KIF13B: variants seen among roughly 807,000 people sequenced by gnomAD.
KIF13B encodes kinesin family member 13B.
A neutral mutation model predicts 222.0 loss-of-function variants in KIF13B; 127 were observed. That is an observed-to-expected ratio of 0.57 (90% CI 0.50 to 0.66). The LOEUF (loss-of-function observed/expected upper bound fraction) is 0.66. KIF13B is among the 30% of genes least tolerant of loss of function. The pLI, the probability that KIF13B is intolerant of heterozygous loss-of-function variation, is 0.00. For synonymous variants in KIF13B, 976 were observed against 919.0 expected (o/e 1.06, Z -1.12); for missense variants, 2,173 against 2,379.0 (o/e 0.91, Z 1.80).
chr8:29,072,669 C>T (rs1807355583), intron 38 of KIF13B, among the ~76,000 whole-genome samples: 1 of 152,196 alleles, frequency 6.6e-6, no homozygotes, highest in African/African-American at 2.4e-5. Context: ...GTGCTGTGTG[C>T]CCAGGCTCAA....
intron 37 of KIF13B, among the ~76,000 whole-genome samples, chr8:29,090,241 G>A (rs890791168): frequency 2.6e-5 from 4 of 152,170 alleles, no homozygotes; most frequent in African/African-American, 9.7e-5. Context: ...CCTTTCAGTG[G>A]GAGACACTGG....
intron 13 of KIF13B, among the ~76,000 whole-genome samples, chr8:29,160,295 T>C (rs1178614279): frequency 1.3e-5 from 2 of 152,268 alleles, no homozygotes; most frequent in Non-Finnish European, 2.9e-5. Flanking sequence ...TAAGAGTTAC[T>C]GGAAACATAA....
chr8:29,263,124 C>T (rs1356001495), upstream of KIF13B: 6 of 424,878 alleles, frequency 1.4e-5, no homozygotes, highest in East Asian at 1.2e-4. Flanking sequence ...GGGCCGGGGG[C>T]GGAGCCGGGG....
At chr8:29,237,221 T>C (rs932785889) in intron 2 of KIF13B, among the ~76,000 whole-genome samples, 3 of 151,796 alleles carry the variant, frequency 2.0e-5, no homozygotes, top group African/African-American at 7.3e-5. Context: ...ACAATTTCTA[T>C]CCTACAGATT....
chr8:29,206,685 T>G (rs1222160675), intron 2 of KIF13B, among the ~76,000 whole-genome samples: 1 of 152,188 alleles, frequency 6.6e-6, no homozygotes, highest in Non-Finnish European at 1.5e-5. Context: ...AGCACTAATC[T>G]AAGCCCTGGA....
intron 2 of KIF13B, among the ~76,000 whole-genome samples, chr8:29,241,706 GA>G (rs75531371): frequency 0.071 from 6,829 of 96,590 alleles, 243 homozygotes; most frequent in African/African-American, 0.16. Flanking sequence ...GCAAGGGAGG[GA>G]AAAAAAAAAA....
chr8:29,120,200 C>CT (rs1809799953), intron 29 of KIF13B, among the ~76,000 whole-genome samples: 3 of 107,354 alleles, frequency 2.8e-5, no homozygotes, highest in East Asian at 3.0e-4. Flanking sequence ...TTATTATACT[C>CT]TAAGTTTTAG....
intron 2 of KIF13B, among the ~76,000 whole-genome samples, chr8:29,216,003 G>A (rs1310846788): frequency 6.6e-6 from 1 of 152,082 alleles, no homozygotes; most frequent in African/African-American, 2.4e-5. Context: ...ACCCAATACT[G>A]ATCACCTCTT....
intron 18 of KIF13B, chr8:29,146,155 G>A (rs1811049995): frequency 3.3e-6 from 2 of 606,948 alleles, no homozygotes; most frequent in Non-Finnish European, 2.9e-6. Context: ...GAACTGTCAG[G>A]GCCAGGTGAG....
rs1230539515 is a variant in KIF13B, at chr8:29,165,657, C to T, written c.1269+5G>A. On this transcript the variant is annotated splice_donor_5th_base_variant and intron_variant, in intron 12 of 39. Transcript: ENST00000524189. ...TCATGCGCTTCATCATCAGGAAACA[C>T]GAACCTGTGCAATCTCCTCCGTTTT... The T allele has an allele frequency of 3.8e-6, 6 of 1,583,004 alleles. No homozygotes were observed. The highest frequency in any genetic ancestry group is 2.2e-5 in the South Asian group (2 of 90,378).
chr8:29,142,399 A>G, intron 18 of KIF13B, 96 bp from the exon 19 acceptor site: 1 of 1,068,250 alleles, frequency 9.4e-7, no homozygotes, highest in Non-Finnish European at 1.3e-6. Context: ...TCATTACACC[A>G]AAACTCAAAT....
intron 5 of KIF13B, among the ~76,000 whole-genome samples, chr8:29,186,837 C>T (rs1812952127): frequency 6.6e-6 from 1 of 151,634 alleles, no homozygotes; most frequent in African/African-American, 2.4e-5. Flanking sequence ...TGCGTGACGG[C>T]ACGTGCTTGT....
intron 2 of KIF13B, among the ~76,000 whole-genome samples, chr8:29,223,935 C>T (rs571461293): frequency 6.6e-6 from 1 of 152,018 alleles, no homozygotes; most frequent in East Asian, 1.9e-4. Context: ...TTGTGATCCG[C>T]CCGCCTCAGC....
At chr8:29,132,848 A>T (rs1810404534) in intron 22 of KIF13B, among the ~76,000 whole-genome samples, 1 of 152,192 alleles carries the variant, frequency 6.6e-6, no homozygotes, top group African/African-American at 2.4e-5. Flanking sequence ...TTGCAAAAAC[A>T]TTTTTTCCCA....
At chr8:29,180,007 G>A (rs1812643886) in intron 8 of KIF13B, 97 bp downstream of exon 8, 1 of 1,365,742 alleles carries the variant, frequency 7.3e-7, no homozygotes, top group Non-Finnish European at 1.0e-6. Context: ...CACAAGTCTA[G>A]CCAGGACTTT....
In KIF13B at chr8:29,070,329, A is replaced by G; in HGVS notation, c.*175T>C. The stretch of plus-strand genomic sequence containing the variant: ...AGGCCCCCACTTTACCCGGGTACAG[A>G]AGAAACAAAGCTTCCAGAGGCCCAG... On this transcript the variant is annotated 3_prime_UTR_variant, in exon 40 of 40. Coordinates refer to ENST00000524189, the MANE Select transcript of KIF13B (RefSeq NM_015254.4). This position sits in a 1 kb window ranked among gnomAD's most constrained non-coding sequence, Gnocchi z 4.1. The G allele has an allele frequency of 1.5e-6, 1 of 676,690 alleles. No individual in the cohort carries two copies. The highest frequency in any genetic ancestry group is 1.9e-5 in the South Asian group (1 of 52,340). The allele number at this position is 676,690 out of a possible 1,614,324, so 41.9% of individuals were successfully genotyped here. A position where few individuals can be genotyped will look rare whatever the true frequency, so the allele number is the denominator to read the frequency against.
chr8:29,131,984 C>A (rs901385343), intron 23 of KIF13B, among the ~76,000 whole-genome samples: 1 of 152,164 alleles, frequency 6.6e-6, no homozygotes, highest in Non-Finnish European at 1.5e-5. Context: ...TGGTGGCTCA[C>A]GCCTGTAATC....
intron 7 of KIF13B, among the ~76,000 whole-genome samples, chr8:29,180,882 T>C (rs1668875623): frequency 1.3e-5 from 2 of 152,146 alleles, no homozygotes; most frequent in South Asian, 4.1e-4. Flanking sequence ...TTAATAACAA[T>C]GCAGAGCTAT....
chr8:29,093,958 C>A (rs1043014623), intron 36 of KIF13B, among the ~76,000 whole-genome samples: 1 of 151,928 alleles, frequency 6.6e-6, no homozygotes, highest in Non-Finnish European at 1.5e-5. Flanking sequence ...AATAAAGATC[C>A]AAAAATATAC....
Sources: allele counts gnomAD v4.1 joint callset (sites outside exome capture counted in the v4.1 genomes callset), GRCh38; gene constraint gnomAD v4.1.1; non-coding constraint Gnocchi (gnomAD v3.1); transcripts MANE v1.5; gene names NCBI Gene and HGNC (gene_info 2026-07-23, HGNC 2026-07-21).